C14orf132: variants seen among roughly 807,000 people sequenced by gnomAD.
C14orf132 encodes the protein chromosome 14 open reading frame 132.
Under a neutral mutation model 5.8 loss-of-function variants are expected in C14orf132, and 6 were observed. That is an observed-to-expected ratio of 1.03 (90% CI 0.57 to 2.04). The LOEUF is 2.04. C14orf132 is among the 30% of genes most tolerant of loss of function. The pLI is 0.00. For missense variants in C14orf132, 125 were observed against 115.8 expected, an observed-to-expected ratio of 1.08 and a Z score of -0.37; for synonymous variants, 51 against 49.8, an observed-to-expected ratio of 1.02 and a Z score of -0.10.
chr14:96,049,639 C>T lies in C14orf132; in HGVS notation c.27+10112C>T, dbSNP rs546619765. Among the ~76,000 whole-genome samples the T allele has an allele frequency of 1.9e-4, 9 of 46,504 alleles. 1 individual carries two copies. The highest frequency in any genetic ancestry group is 3.1e-4 in the Non-Finnish European group (9 of 29,166). The allele number at this position is 46,504 out of a possible 152,430, so 30.5% of individuals were successfully genotyped here. On this transcript the variant is annotated intron_variant, in intron 1 of 1. Transcript: ENST00000555004. ...ATATACGTATATATATACATATATA[C>T]GTATATATATATATAGAGAGAGAGA...
At chr14:96,052,543 T>A (rs1047111440) in intron 1 of C14orf132, among the ~76,000 whole-genome samples, 5 of 152,176 alleles carry the variant, frequency 3.3e-5, no homozygotes, top group African/African-American at 1.2e-4. Context: ...CAGTAAATAT[T>A]TCATAAACCA....
chr14:96,046,429 A>G (rs1886832941), intron 1 of C14orf132, among the ~76,000 whole-genome samples: 1 of 152,212 alleles, frequency 6.6e-6, no homozygotes, highest in African/African-American at 2.4e-5. Flanking sequence ...GCCCAGTAGA[A>G]AAGTCACTTA....
chr14:96,044,018 C>A (rs372909132), intron 1 of C14orf132, among the ~76,000 whole-genome samples: 75 of 152,278 alleles, frequency 4.9e-4, no homozygotes, highest in African/African-American at 1.5e-3. Context: ...AAACAGAGGG[C>A]CAGGAGCGGA....
In C14orf132 at chr14:96,090,559, C is replaced by T. The variant is rs1888361217; in HGVS notation, c.*3824C>T. ...ACCCAGGCAGGATGATGGCGCAGCT[C>T]TTCCTACTCCAAGCCAATGCTGTCC... is the stretch of plus-strand genomic sequence containing the variant. On this transcript the variant is annotated 3_prime_UTR_variant, in exon 2 of 2. Transcript: ENST00000555004. The T allele has an allele frequency of 4.4e-6, 2 of 455,050 alleles. No homozygotes were observed. The highest frequency in any genetic ancestry group is 1.6e-5 in the South Asian group (1 of 64,474). The allele number at this position is 455,050 out of a possible 1,614,324, so 28.2% of individuals were successfully genotyped here.
At chr14:96,049,498 G>A (rs944786973) in intron 1 of C14orf132, among the ~76,000 whole-genome samples, 37 of 139,158 alleles carry the variant, frequency 2.7e-4, no homozygotes, top group Admixed American at 7.2e-4. Flanking sequence ...ATATATATAC[G>A]TATATATACG....
chr14:96,068,253 C>A (rs945743728), intron 1 of C14orf132, among the ~76,000 whole-genome samples: 1 of 152,172 alleles, frequency 6.6e-6, no homozygotes, highest in Non-Finnish European at 1.5e-5. Context: ...TTCAGCAAAA[C>A]GGCCAGATTT....
At chr14:96,065,721 GAACA>G (rs1436329344) in intron 1 of C14orf132, among the ~76,000 whole-genome samples, 10 of 151,580 alleles carry the variant, frequency 6.6e-5, no homozygotes, top group Non-Finnish European at 1.5e-4. Context: ...GATAACAATT[GAACA>G]AACACATTCC....
rs958670482 is a variant in C14orf132 at position 96,040,348 on chromosome 14, G to T, written c.27+821G>T. ...GACCCAGAGCTGGCTCCAGGGAAGG[G>T]CTGCGTTTGGCCTGGGAGAGTAAGT... On this transcript the variant is annotated intron_variant, in intron 1 of 1. Transcript: ENST00000555004. The T allele has an allele frequency of 6.0e-5, 24 of 398,572 alleles. No individual in the cohort carries two copies. The Middle Eastern group carries it at 1.9e-3, about 31-fold the overall frequency. The allele number at this position is 398,572 out of a possible 1,614,324, so 24.7% of individuals were successfully genotyped here. A position where few individuals can be genotyped will look rare whatever the true frequency, so the allele number is the denominator to read the frequency against.
At position 96,092,476 on chromosome 14, in the gene C14orf132, C is replaced by T. The variant is rs991971563; in HGVS notation, c.*5741C>T. Reference sequence around the variant, plus strand: ...GGGGGAATCAGAGCCCATTCCACACCGAGCCCCATCCACGTGGCTGAGCAA... The same window carrying T: ...GGGGGAATCAGAGCCCATTCCACACTGAGCCCCATCCACGTGGCTGAGCAA... On this transcript the variant is annotated 3_prime_UTR_variant, in exon 2 of 2. Coordinates refer to ENST00000555004, the MANE Select transcript of C14orf132 (RefSeq NM_001252507.3). 11 of 152,366 alleles carry T rather than the reference C, an allele frequency of 7.2e-5. No individual in the cohort carries two copies. Among genetic ancestry groups the T allele is most frequent in the South Asian group, 4.2e-4 (2 of 4,818 alleles). The allele number at this position is 152,366 out of a possible 1,614,324, so 9.4% of individuals were successfully genotyped here. A position where few individuals can be genotyped will look rare whatever the true frequency, so the allele number is the denominator to read the frequency against.
intron 1 of C14orf132, among the ~76,000 whole-genome samples, chr14:96,083,523 G>A (rs562888027): frequency 3.9e-5 from 6 of 152,272 alleles, no homozygotes; most frequent in Non-Finnish European, 7.3e-5. Flanking sequence ...GTCATCACAA[G>A]GGCCCTTATA....
At chr14:96,074,899 A>T (rs1485405652) in intron 1 of C14orf132, among the ~76,000 whole-genome samples, 3 of 151,110 alleles carry the variant, frequency 2.0e-5, no homozygotes, top group African/African-American at 7.3e-5. Flanking sequence ...GATTATGCTT[A>T]GTCCTTTGCC....
intron 1 of C14orf132, among the ~76,000 whole-genome samples, chr14:96,059,065 C>T (rs1887267946): frequency 6.6e-6 from 1 of 152,146 alleles, no homozygotes; most frequent in Non-Finnish European, 1.5e-5. Flanking sequence ...AGTTCAAGAC[C>T]AGCCTGTGCA....
intron 1 of C14orf132, among the ~76,000 whole-genome samples, chr14:96,064,432 A>G (rs1467402614): frequency 6.6e-6 from 1 of 150,798 alleles, no homozygotes; most frequent in African/African-American, 2.4e-5. Context: ...ATATACACAT[A>G]TATATGTGTA....
At position 96,090,838 on chromosome 14, in the gene C14orf132, C is replaced by T. The variant is rs1250759517; in HGVS notation, c.*4103C>T. On this transcript the variant is annotated 3_prime_UTR_variant, in exon 2 of 2. Coordinates refer to ENST00000555004, the MANE Select transcript of C14orf132 (RefSeq NM_001252507.3). ...TGGGTCCCTGGAGACCGAAGAGGCT[C>T]AGTGGAGTCTGTCTGTTGTCAGCAC... The T allele has an allele frequency of 1.8e-5, 8 of 456,096 alleles. No homozygotes were observed. The highest frequency in any genetic ancestry group is 1.2e-4 in the South Asian group (8 of 64,562). 28.3% of individuals were successfully genotyped at this position (456,096 alleles called of 1,614,324 possible). A position where few individuals can be genotyped will look rare whatever the true frequency, so the allele number is the denominator to read the frequency against.
chr14:96,040,650 CGGA>C (rs1430767085), intron 1 of C14orf132, among the ~76,000 whole-genome samples: 1 of 152,110 alleles, frequency 6.6e-6, no homozygotes, highest in Admixed American at 6.5e-5. Flanking sequence ...TTAAAAGATG[CGGA>C]AGCCCCAAGT....
intron 1 of C14orf132, 77 bp from the exon 2 acceptor site, chr14:96,086,433 CA>C (rs1380510454): frequency 2.2e-5 from 30 of 1,348,664 alleles, no homozygotes; most frequent in Non-Finnish European, 2.7e-5. Flanking sequence ...GTTGTTTGAC[CA>C]GACCACTTCC....
intron 1 of C14orf132, among the ~76,000 whole-genome samples, chr14:96,048,825 C>T (rs1467267003): frequency 2.0e-5 from 3 of 152,086 alleles, no homozygotes; most frequent in Non-Finnish European, 4.4e-5. Flanking sequence ...CACGCCCAGC[C>T]TGCTTTTTCC....
At chr14:96,051,501 T>C (rs1349314981) in intron 1 of C14orf132, among the ~76,000 whole-genome samples, 3 of 152,172 alleles carry the variant, frequency 2.0e-5, no homozygotes, top group African/African-American at 7.2e-5. Context: ...CTTCCAGCCC[T>C]CGTGAGGACC....
chr14:96,056,864 C>T (rs1887198770), intron 1 of C14orf132, among the ~76,000 whole-genome samples: 1 of 152,158 alleles, frequency 6.6e-6, no homozygotes, highest in South Asian at 2.1e-4. Context: ...CCCACGCCTC[C>T]TTCTGTGATG....
Sources: gnomAD v4.1 joint callset for allele counts (sites outside exome capture counted in the v4.1 genomes callset) on GRCh38, gnomAD v4.1.1 for gene constraint, MANE v1.5 for transcripts, NCBI Gene and HGNC (gene_info 2026-07-23, HGNC 2026-07-21) for gene names.